The following CYSTM1 variants were observed in gnomAD, a reference collection of about 807,000 sequenced individuals.
The protein encoded by CYSTM1 is cysteine-rich transmembrane module-containing protein 1.
In CYSTM1, 4 loss-of-function variants were observed where a neutral mutation model predicts 13.1. The observed-to-expected ratio is 0.31, with a 90% CI of 0.15 to 0.70. The LOEUF (loss-of-function observed/expected upper bound fraction) is 0.70, where lower values mean the gene tolerates loss of function less well. Ranked by LOEUF, CYSTM1 falls within the 30% of genes least tolerant of loss-of-function variation. CYSTM1 has a pLI of 0.72. For missense variants in CYSTM1, 96 were observed against 121.6 expected, an observed-to-expected ratio of 0.79 and a Z score of 0.99; for synonymous variants, 36 against 42.7, an observed-to-expected ratio of 0.84 and a Z score of 0.62.
intron 1 of CYSTM1, among the ~76,000 whole-genome samples, chr5:140,186,652 G>A (rs932122612): frequency 6.6e-6 from 1 of 151,980 alleles, no homozygotes; most frequent in African/African-American, 2.4e-5. Flanking sequence ...CCCTGAATAG[G>A]AACTGTCTCT....
chr5:140,195,187 T>C (rs1390355855), intron 2 of CYSTM1, among the ~76,000 whole-genome samples: 1 of 152,200 alleles, frequency 6.6e-6, no homozygotes, highest in East Asian at 1.9e-4. Flanking sequence ...TGTAGACAAA[T>C]GCCAGTCAAT....
chr5:140,222,856 G>A (rs1764507529), intron 2 of CYSTM1, among the ~76,000 whole-genome samples: 1 of 152,228 alleles, frequency 6.6e-6, no homozygotes, highest in Non-Finnish European at 1.5e-5. Context: ...AGCCACTTCT[G>A]AGACAGTCCT....
rs888842978 is a variant in CYSTM1, at chr5:140,175,833, C to T, written c.-21+548C>T. Among the ~76,000 whole-genome samples the T allele has an allele frequency of 6.6e-6, 1 of 152,090 alleles. No individual in the cohort carries two copies. Among genetic ancestry groups the T allele is most frequent in the Non-Finnish European group, 1.5e-5 (1 of 68,014 alleles). ...CGGAGGCCGGGGTGTTCAGAGAAGG[C>T]GTTGCGGGGGAAAGGAATCCCGGCT... On this transcript the variant is annotated intron_variant, in intron 1 of 2. Coordinates refer to ENST00000261811, the MANE Select transcript of CYSTM1 (RefSeq NM_032412.4). This position sits in a 1 kb window ranked among gnomAD's most constrained non-coding sequence, Gnocchi z 4.9.
intron 2 of CYSTM1, among the ~76,000 whole-genome samples, chr5:140,229,657 C>CATTA (rs1554133560): frequency 2.0e-5 from 3 of 151,496 alleles, no homozygotes; most frequent in Admixed American, 6.6e-5. Flanking sequence ...AAGATATAGT[C>CATTA]GTTAGTCCAC....
At chr5:140,194,703 T>C (rs763703902) in intron 2 of CYSTM1, 51 bp downstream of exon 2, 17 of 1,537,280 alleles carry the variant, frequency 1.1e-5, no homozygotes, top group East Asian at 7.1e-5. Context: ...CTAAAGGAAA[T>C]GTTTGCATGT....
chr5:140,215,708 T>TA (rs1375961712), intron 2 of CYSTM1, among the ~76,000 whole-genome samples: 1 of 152,116 alleles, frequency 6.6e-6, no homozygotes, highest in Non-Finnish European at 1.5e-5. Context: ...TCTTGTGTGT[T>TA]AGTCTCTGTC....
At chr5:140,220,915 C>T (rs955560564) in intron 2 of CYSTM1, among the ~76,000 whole-genome samples, 4 of 152,134 alleles carry the variant, frequency 2.6e-5, no homozygotes, top group African/African-American at 9.7e-5. Flanking sequence ...ACTGAAGCTG[C>T]TGCTGGGACA....
chr5:140,199,009 A>G (rs1764186861), intron 2 of CYSTM1, among the ~76,000 whole-genome samples: 2 of 150,918 alleles, frequency 1.3e-5, no homozygotes, highest in African/African-American at 2.4e-5. Flanking sequence ...CCCTGTGTCC[A>G]TGTGTTCTCT....
intron 1 of CYSTM1, among the ~76,000 whole-genome samples, chr5:140,185,711 A>G (rs1166655405): frequency 6.6e-6 from 1 of 152,152 alleles, no homozygotes; most frequent in Admixed American, 6.5e-5. Flanking sequence ...AATCCCTGCT[A>G]TTGCTATCCC....
chr5:140,187,820 C>G (rs1764036731), intron 1 of CYSTM1, among the ~76,000 whole-genome samples: 1 of 151,844 alleles, frequency 6.6e-6, no homozygotes, highest in African/African-American at 2.4e-5. Flanking sequence ...TTTTTTACCC[C>G]AAGTCTGGTA....
intron 2 of CYSTM1, among the ~76,000 whole-genome samples, chr5:140,226,017 C>T (rs879111436): frequency 1.3e-5 from 2 of 152,228 alleles, no homozygotes; most frequent in Non-Finnish European, 2.9e-5. Context: ...ACCTCCTCTT[C>T]TTTCTCCCTG....
At chr5:140,194,785 G>A in intron 2 of CYSTM1, 133 bp downstream of exon 2, 1 of 1,131,726 alleles carries the variant, frequency 8.8e-7, no homozygotes, top group Non-Finnish European at 1.2e-6. Context: ...CTTGATGATG[G>A]CTTAGGGTGG....
intron 2 of CYSTM1, among the ~76,000 whole-genome samples, chr5:140,217,542 A>G (rs1764441997): frequency 6.6e-6 from 1 of 152,144 alleles, no homozygotes. Flanking sequence ...CTCCAGGCAG[A>G]TTATTCCCTT....
Position 140,189,456 on chromosome 5 carries a change from T to C in CYSTM1, c.-20-4990T>C, listed in dbSNP as rs865783574. On this transcript the variant is annotated intron_variant, in intron 1 of 2. Coordinates refer to ENST00000261811, the MANE Select transcript of CYSTM1 (RefSeq NM_032412.4). Reference sequence around the variant, plus strand: ...GCTTCTTGTACAGTCAGCAGAACCATGAGCCAAAATAAACCTCTTTTATTT... The same window carrying C: ...GCTTCTTGTACAGTCAGCAGAACCACGAGCCAAAATAAACCTCTTTTATTT... Among the ~76,000 whole-genome samples, 138 of 152,286 alleles carry C rather than the reference T, an allele frequency of 9.1e-4. 2 individuals are homozygous for C. The highest frequency in any genetic ancestry group is 3.9e-4 in the East Asian group (2 of 5,186).
chr5:140,209,783 C>T (rs1037011802), intron 2 of CYSTM1, among the ~76,000 whole-genome samples: 2 of 151,898 alleles, frequency 1.3e-5, no homozygotes, highest in African/African-American at 4.8e-5. Flanking sequence ...TGGTCTCAAA[C>T]TCCTGACCTC....
intron 2 of CYSTM1, among the ~76,000 whole-genome samples, chr5:140,208,343 A>G (rs1439985723): frequency 1.3e-5 from 2 of 152,364 alleles, no homozygotes; most frequent in South Asian, 2.1e-4. Flanking sequence ...AGGCACAAAG[A>G]CAAACATTGT....
intron 2 of CYSTM1, among the ~76,000 whole-genome samples, chr5:140,231,789 G>C (rs1296519195): frequency 6.6e-6 from 1 of 152,216 alleles, no homozygotes; most frequent in East Asian, 1.9e-4. Context: ...TGGTGTCATA[G>C]GCCGCAAGGG....
chr5:140,200,557 C>CTTG, intron 2 of CYSTM1: 1 of 78,730 alleles, frequency 1.3e-5, no homozygotes, highest in Admixed American at 1.7e-4. Flanking sequence ...TCCCCCCGGC[C>CTTG]TTTTTTTTTT....
intron 2 of CYSTM1, among the ~76,000 whole-genome samples, chr5:140,215,173 A>G (rs904756235): frequency 6.6e-6 from 1 of 152,246 alleles, no homozygotes; most frequent in Admixed American, 6.5e-5. Context: ...CACTCTCAGG[A>G]GAACTGTCTA....
Sources: gnomAD v4.1 joint callset for allele counts (sites outside exome capture counted in the v4.1 genomes callset) on GRCh38, gnomAD v4.1.1 for gene constraint, Gnocchi (gnomAD v3.1) non-coding constraint, MANE v1.5 for transcripts, NCBI Gene and HGNC (gene_info 2026-07-23, HGNC 2026-07-21) for gene names.